The following CYSLTR2 variants were observed in gnomAD, a reference collection of about 807,000 sequenced individuals.
The protein encoded by CYSLTR2 is cysteinyl leukotriene receptor 2, also known as G-protein coupled receptor GPCR21.
For missense variants in CYSLTR2, 398 were observed against 411.9 expected (o/e 0.97, Z 0.29); for synonymous variants, 179 against 160.8 (o/e 1.11, Z -0.86).
chr13:48,705,697 ACTT>A (rs1954463968), intron 4 of CYSLTR2, among the ~76,000 whole-genome samples: 1 of 150,012 alleles, frequency 6.7e-6, no homozygotes, highest in African/African-American at 2.4e-5. Context: ...AGTATAGAAA[ACTT>A]CTTATTTCCT....
chr13:48,694,932 G>A (rs1023529676), intron 3 of CYSLTR2: 1 of 152,010 alleles, frequency 6.6e-6, no homozygotes, highest in Admixed American at 6.5e-5. Context: ...TTCTGTTCAA[G>A]CCACACCTTT....
chr13:48,671,793 A>G (rs886586489), intron 1 of CYSLTR2, among the ~76,000 whole-genome samples: 4 of 152,202 alleles, frequency 2.6e-5, no homozygotes, highest in African/African-American at 9.7e-5. Flanking sequence ...CTGGACTCAT[A>G]AAATGAGTTA....
At chr13:48,686,893 A>G (rs973908548) in intron 1 of CYSLTR2, among the ~76,000 whole-genome samples, 8 of 152,200 alleles carry the variant, frequency 5.3e-5, no homozygotes, top group African/African-American at 1.9e-4. Context: ...ATACCTGGAG[A>G]ACTTGTAAAG....
chr13:48,664,767 CA>C (rs1935752040), intron 1 of CYSLTR2, among the ~76,000 whole-genome samples: 1 of 151,506 alleles, frequency 6.6e-6, no homozygotes, highest in Admixed American at 6.6e-5. Context: ...TTTACCTTTT[CA>C]AAAAACCAGC....
At chr13:48,657,501 G>C (rs1056094848) in intron 1 of CYSLTR2, among the ~76,000 whole-genome samples, 15 of 151,854 alleles carry the variant, frequency 9.9e-5, no homozygotes, top group Admixed American at 4.6e-4. Flanking sequence ...GAGGGAAGTA[G>C]AGGAGAGGGG....
chr13:48,694,208 A>G (rs1029606529), intron 3 of CYSLTR2, among the ~76,000 whole-genome samples: 6 of 152,212 alleles, frequency 3.9e-5, no homozygotes, highest in Non-Finnish European at 5.9e-5. Context: ...GCTCACAAAG[A>G]TAAGACAGAG....
intron 4 of CYSLTR2, among the ~76,000 whole-genome samples, chr13:48,704,510 T>G (rs1400291223): frequency 6.6e-6 from 1 of 151,992 alleles, no homozygotes; most frequent in Non-Finnish European, 1.5e-5. Flanking sequence ...TCCTTCCTTT[T>G]GCTTGCTTTT....
Position 48,665,386 on chromosome 13 carries a change from A to G in CYSLTR2, c.-266+11369A>G, listed in dbSNP as rs117226215. Among the ~76,000 whole-genome samples the G allele has an allele frequency of 6.2e-3, 946 of 152,182 alleles. 7 individuals are homozygous for G. The highest frequency in any genetic ancestry group is 0.019 in the East Asian group (98 of 5,184). Reference sequence around the variant, plus strand: ...GTTTCTTTGTTGATTTCCTGATTAGATGATCTGTCCAGTGCCAAGAATTGG... The same window carrying G: ...GTTTCTTTGTTGATTTCCTGATTAGGTGATCTGTCCAGTGCCAAGAATTGG... On this transcript the variant is annotated intron_variant, in intron 1 of 4. Transcript: ENST00000682523.
intron 1 of CYSLTR2, among the ~76,000 whole-genome samples, chr13:48,672,073 A>G (rs1953446498): frequency 6.6e-6 from 1 of 152,028 alleles, no homozygotes; most frequent in Non-Finnish European, 1.5e-5. Context: ...ATTTGCATAG[A>G]GGTGTTTTAG....
chr13:48,679,869 A>G (rs1349598370), intron 1 of CYSLTR2, among the ~76,000 whole-genome samples: 4 of 152,108 alleles, frequency 2.6e-5, no homozygotes, highest in East Asian at 1.9e-4. Flanking sequence ...CCCGATGCCA[A>G]TTTACCAGAA....
At chr13:48,697,017 C>G (rs2138966184) in intron 4 of CYSLTR2, among the ~76,000 whole-genome samples, 1 of 152,324 alleles carries the variant, frequency 6.6e-6, no homozygotes, top group East Asian at 1.9e-4. Context: ...TTGGGAAGCT[C>G]TAACTGGGTG....
At chr13:48,688,469 C>T (rs1490416687) in intron 1 of CYSLTR2, among the ~76,000 whole-genome samples, 4 of 152,194 alleles carry the variant, frequency 2.6e-5, no homozygotes, top group Non-Finnish European at 5.9e-5. Context: ...CGTGTGTTCT[C>T]ATTATTCAAC....
In CYSLTR2 at chr13:48,709,416, T is replaced by G. The variant is rs942177059; in HGVS notation, c.*1558T>G. On this transcript the variant is annotated 3_prime_UTR_variant, in exon 5 of 5. Coordinates refer to ENST00000682523, the MANE Select transcript of CYSLTR2 (RefSeq NM_001308476.3). ...GCTACCAGAATGATGACAGACAGAC[T>G]CAAACCCTGTCAAGACAGGACCCTG... 3 of 166,482 alleles carry G rather than the reference T, an allele frequency of 1.8e-5. No individual in the cohort carries two copies. Among genetic ancestry groups the G allele is most frequent in the Non-Finnish European group, 2.9e-5 (2 of 68,120 alleles). The allele number at this position is 166,482 out of a possible 1,614,324, so 10.3% of individuals were successfully genotyped here.
intron 4 of CYSLTR2, among the ~76,000 whole-genome samples, chr13:48,697,696 C>T (rs1594012843): frequency 6.6e-6 from 1 of 152,154 alleles, no homozygotes; most frequent in South Asian, 2.1e-4. Flanking sequence ...AGGCTTTAGA[C>T]CATTGGTAAT....
chr13:48,667,629 G>A (rs1314363348), intron 1 of CYSLTR2, among the ~76,000 whole-genome samples: 5 of 152,166 alleles, frequency 3.3e-5, no homozygotes, highest in African/African-American at 1.2e-4. Context: ...CTGGTTTGCT[G>A]GGCATGACCT....
At position 48,706,821 on chromosome 13, in the gene CYSLTR2, G is replaced by A. The variant is rs1394532285; in HGVS notation, c.4G>A (p.Glu2Lys). The A allele has an allele frequency of 1.2e-5, 19 of 1,606,720 alleles. No homozygotes were observed. Among genetic ancestry groups the A allele is most frequent in the Non-Finnish European group, 1.5e-5 (18 of 1,175,878 alleles). Residue 2 changes from glutamate to lysine, a missense_variant, in exon 5 of 5, where the codon GAG (glutamate) becomes AAG (lysine). Coordinates refer to ENST00000682523, the MANE Select transcript of CYSLTR2 (RefSeq NM_001308476.3). ...GTCTGTTTCTTTTTAACCCAGCATGGAGAGAAAATTTATGTCCTTGCAACC... is the reference window on the plus strand; with the variant it reads ...GTCTGTTTCTTTTTAACCCAGCATGAAGAGAAAATTTATGTCCTTGCAACC... M[E>K]RKFMSLQPSI...
chr13:48,693,141 G>A, intron 2 of CYSLTR2, among the ~76,000 whole-genome samples: 1 of 151,374 alleles, frequency 6.6e-6, no homozygotes, highest in Non-Finnish European at 1.5e-5. Flanking sequence ...TCTAAATTTA[G>A]ACAAGTTATA....
chr13:48,692,935 A>G (rs1307730507), intron 2 of CYSLTR2, among the ~76,000 whole-genome samples: 3 of 151,836 alleles, frequency 2.0e-5, no homozygotes, highest in Middle Eastern at 3.6e-3. Context: ...GAAATTGTGT[A>G]GGCATCCAAA....
chr13:48,676,385 A>G (rs973144027), intron 1 of CYSLTR2, among the ~76,000 whole-genome samples: 19 of 152,236 alleles, frequency 1.2e-4, no homozygotes, highest in African/African-American at 4.3e-4. Flanking sequence ...TGAAAATTGC[A>G]TTTTAATTGG....
Sources: gnomAD v4.1 joint callset for allele counts (sites outside exome capture counted in the v4.1 genomes callset) on GRCh38, gnomAD v4.1.1 for gene constraint, MANE v1.5 for transcripts, NCBI Gene and HGNC (gene_info 2026-07-23, HGNC 2026-07-21) for gene names.